TBX10: variants seen among roughly 807,000 people sequenced by gnomAD.
The protein encoded by TBX10 is T-box transcription factor 10, also known as T-box transcription factor TBX10.
Under a neutral mutation model 32.4 loss-of-function variants are expected in TBX10, and 26 were observed. The ratio of observed to expected loss-of-function variants is 0.80; its 90% confidence interval spans 0.59 to 1.11. TBX10 has a LOEUF of 1.11. Among genes scored for constraint, TBX10 ranks in the 50% most tolerant of loss-of-function variants. TBX10 has a pLI of 0.00. For missense variants in TBX10, 490 were observed against 494.5 expected, an observed-to-expected ratio of 0.99 and a Z score of 0.09; for synonymous variants, 195 against 203.1, an observed-to-expected ratio of 0.96 and a Z score of 0.34.
chr11:67,631,460 TG>T lies in TBX10; in HGVS notation c.*144del. On this transcript the variant is annotated 3_prime_UTR_variant, in exon 8 of 8. Transcript: ENST00000335385. Reference sequence around the variant, plus strand: ...CATGGTCCCAGCCTTGCTGTGACCCTGGGCAGGTAGCCTCTTTCTCTAGACT... The same window carrying T: ...CATGGTCCCAGCCTTGCTGTGACCCTGGCAGGTAGCCTCTTTCTCTAGACT... 9.3e-7 allele frequency: 1 copy of T among 1,073,214 alleles called. No individual in the cohort carries two copies. Among genetic ancestry groups the T allele is most frequent in the Non-Finnish European group, 1.3e-6 (1 of 744,170 alleles). The allele number at this position is 1,073,214 out of a possible 1,614,324, so 66.5% of individuals were successfully genotyped here. A position where few individuals can be genotyped will look rare whatever the true frequency, so the allele number is the denominator to read the frequency against.
chr11:67,640,513 C>G (rs1171628757), upstream of TBX10, among the ~76,000 whole-genome samples: 2 of 152,234 alleles, frequency 1.3e-5, no homozygotes, highest in Non-Finnish European at 1.5e-5. Context: ...TCTGTTCTCT[C>G]TGGCCTGACC....
chr11:67,640,689 G>C (rs1032252673), upstream of TBX10, among the ~76,000 whole-genome samples: 4 of 152,172 alleles, frequency 2.6e-5, no homozygotes, highest in Non-Finnish European at 5.9e-5. Flanking sequence ...AGAGTGGGTC[G>C]TCTGGCTGGA....
At chr11:67,637,123 G>T (rs1044001688) in intron 1 of TBX10, among the ~76,000 whole-genome samples, 1 of 152,232 alleles carries the variant, frequency 6.6e-6, no homozygotes, top group East Asian at 1.9e-4. Flanking sequence ...TAGGCCGTAC[G>T]TGGTGAGGCC....
At chr11:67,637,668 T>C (rs1161178033) in intron 1 of TBX10, among the ~76,000 whole-genome samples, 1 of 152,212 alleles carries the variant, frequency 6.6e-6, no homozygotes, top group Admixed American at 6.5e-5. Flanking sequence ...CTTGGACCAA[T>C]ATAAGCATGC....
rs200918283 is a variant in TBX10 at position 67,633,043 on chromosome 11, G to A, written c.610C>T (p.Arg204Cys). The A allele has an allele frequency of 1.1e-4, 185 of 1,614,036 alleles. 1 individual carries two copies. The highest frequency in any genetic ancestry group is 8.2e-4 in the Middle Eastern group (5 of 6,082). ...PRFHVVFVDP[R>C]KDSERYAQEN... is the part of the protein sequence containing the mutation. Reference sequence around the variant, plus strand: ...TGGGCATAGCGCTCACTGTCCTTGCGTGGGTCCACGAAGACCACGTGGAAA... The same window carrying A: ...TGGGCATAGCGCTCACTGTCCTTGCATGGGTCCACGAAGACCACGTGGAAA... The change falls in exon 5 of 8, where the codon CGC becomes TGC. Residue 204 changes from arginine to cysteine, a missense_variant. Transcript: ENST00000335385.
chr11:67,638,714 C>T (rs969211072), intron 1 of TBX10, among the ~76,000 whole-genome samples: 9 of 152,124 alleles, frequency 5.9e-5, no homozygotes, highest in African/African-American at 1.4e-4. Context: ...TGCAGCCTCG[C>T]GGGGGAGGGG....
At chr11:67,632,797 G>C in intron 5 of TBX10, 127 bp from the exon 6 acceptor site, 1 of 1,542,684 alleles carries the variant, frequency 6.5e-7, no homozygotes, top group African/African-American at 1.4e-5. Flanking sequence ...TGAGCTGATA[G>C]GAGTGCGGGC....
chr11:67,638,919 TG>T (rs572619059), intron 1 of TBX10, among the ~76,000 whole-genome samples: 2,423 of 151,704 alleles, frequency 0.016, 28 homozygotes, highest in Middle Eastern at 0.051. Flanking sequence ...GGTCCCAAGG[TG>T]GGGGGGCTCA....
chr11:67,631,538 C>G lies in TBX10; in HGVS notation c.*67G>C. ...AGAGATGGGGCTGGAGGGGGCGGGG[C>G]AGAGGCTGATTCCCACACCCGGTGT... is the stretch of plus-strand genomic sequence containing the variant. On this transcript the variant is annotated 3_prime_UTR_variant, in exon 8 of 8. Transcript: ENST00000335385. The G allele has an allele frequency of 6.5e-7, 1 of 1,535,392 alleles. No individual in the cohort carries two copies. Among genetic ancestry groups the G allele is most frequent in the African/African-American group, 1.4e-5 (1 of 73,736 alleles).
intron 1 of TBX10, among the ~76,000 whole-genome samples, chr11:67,635,492 G>C (rs1157026366): frequency 6.6e-6 from 1 of 152,184 alleles, no homozygotes; most frequent in Non-Finnish European, 1.5e-5. Flanking sequence ...GCTCCCCAGA[G>C]AATGTTTGGG....
chr11:67,631,627 C>T lies in TBX10; in HGVS notation c.1136G>A (p.Gly379Glu). The change falls in exon 8 of 8, where the codon GGG becomes GAG. Residue 379 changes from glycine to glutamate, a missense_variant. Gly to Glu is a moderately conservative substitution (Grantham distance 98). Transcript: ENST00000335385. ...GLLSPTVVCL[G>E]PGQDSQ ...GCATCACTGGGAGTCCTGGCCAGGC[C>T]CCAGGCACACCACAGTGGGGGACAG... 1 of 1,601,624 alleles carries T rather than the reference C, an allele frequency of 6.2e-7. No individual in the cohort carries two copies. Among genetic ancestry groups the T allele is most frequent in the East Asian group, 2.2e-5 (1 of 44,678 alleles).
intron 1 of TBX10, among the ~76,000 whole-genome samples, chr11:67,635,861 C>G (rs538224546): frequency 2.0e-4 from 31 of 152,224 alleles, no homozygotes; most frequent in African/African-American, 7.0e-4. Flanking sequence ...GTCTTTTTCT[C>G]TGGTCTCTGC....
chr11:67,633,516 C>T (rs778551757), intron 4 of TBX10, among the ~76,000 whole-genome samples: 32 of 152,302 alleles, frequency 2.1e-4, no homozygotes, highest in Non-Finnish European at 4.3e-4. Context: ...AAAGCCAGAG[C>T]CCCCCGAAGT....
At chr11:67,636,942 A>C (rs916193437) in intron 1 of TBX10, among the ~76,000 whole-genome samples, 1 of 152,254 alleles carries the variant, frequency 6.6e-6, no homozygotes, top group African/African-American at 2.4e-5. Context: ...CCCAGTGTCC[A>C]TTGGAAAATG....
At chr11:67,639,393 T>TGGCCCCCCCC in intron 1 of TBX10, 73 bp downstream of exon 1, 1 of 726,926 alleles carries the variant, frequency 1.4e-6, no homozygotes, top group Non-Finnish European at 2.5e-6. Flanking sequence ...CTGTCTTGGT[T>TGGCCCCCCCC]CCCACCCTGC....
At chr11:67,632,697 G>A (rs773304492) in intron 5 of TBX10, 27 bp from the exon 6 acceptor site, 1 of 1,613,314 alleles carries the variant, frequency 6.2e-7, no homozygotes, top group Non-Finnish European at 8.5e-7. Flanking sequence ...GCAGTTGTGG[G>A]CTGGCCATGA....
chr11:67,641,233 C>CGT (rs1005798968), upstream of TBX10, among the ~76,000 whole-genome samples: 14 of 151,886 alleles, frequency 9.2e-5, no homozygotes, highest in Non-Finnish European at 1.8e-4. Flanking sequence ...GCCCCTGATA[C>CGT]GTGTGTGTGT....
At chr11:67,633,199 G>C (rs565631146) in intron 4 of TBX10, 96 bp from the exon 5 acceptor site, 5 of 1,474,086 alleles carry the variant, frequency 3.4e-6, no homozygotes, top group African/African-American at 1.4e-5. Flanking sequence ...AGACTGCCCT[G>C]GGCCTGCCAC....
chr11:67,636,137 G>A (rs1338873803), intron 1 of TBX10, among the ~76,000 whole-genome samples: 3 of 147,364 alleles, frequency 2.0e-5, no homozygotes, highest in Non-Finnish European at 3.0e-5. Context: ...GGAGTGCAGC[G>A]GGAGCTCTGT....
Sources: allele counts gnomAD v4.1 joint callset (sites outside exome capture counted in the v4.1 genomes callset), GRCh38; gene constraint gnomAD v4.1.1; transcripts MANE v1.5; gene names NCBI Gene and HGNC (gene_info 2026-07-23, HGNC 2026-07-21).